The following SMYD1 variants were observed in gnomAD, a reference collection of about 807,000 sequenced individuals.
The protein encoded by SMYD1 is histone-lysine N-methyltransferase SMYD1.
A neutral mutation model predicts 54.0 loss-of-function variants in SMYD1; 49 were observed. The ratio of observed to expected loss-of-function variants is 0.91; its 90% confidence interval spans 0.72 to 1.15. The LOEUF is 1.15. Among genes scored for constraint, SMYD1 ranks in the 50% most tolerant of loss-of-function variants. The probability of loss-of-function intolerance (pLI) is 0.00; values close to 1 mark genes in which losing one functional copy is unlikely to be tolerated. For missense variants in SMYD1, 653 were observed against 639.6 expected (o/e 1.02, Z -0.23); for synonymous variants, 269 against 234.2 (o/e 1.15, Z -1.36).
rs780456754 is a variant in SMYD1, at chr2:88,110,385, G to A, written c.1346G>A (p.Arg449His). ...CGGGTGCAGACGGAGATGGAGCTAC[G>A]CATGTTCCGCCAGAACGAATTCATG... is the stretch of plus-strand genomic sequence containing the variant. ...AMRVQTEMEL[R>H]MFRQNEFMYY... The change falls in exon 10 of 10, where the codon CGC (arginine) becomes CAC (histidine). Residue 449 changes from arginine (R) to histidine (H), a missense_variant. Arg to His is a conservative substitution (Grantham distance 29). Transcript: ENST00000419482. The A allele has an allele frequency of 6.8e-6, 11 of 1,612,848 alleles. No individual in the cohort carries two copies. The highest frequency in any genetic ancestry group is 8.5e-6 in the Non-Finnish European group (10 of 1,179,506).
At position 88,095,362 on chromosome 2, in the gene SMYD1, G is replaced by GTGTATC. The variant is rs1173672837; in HGVS notation, c.699-1231_699-1226dup. 3.5e-4 allele frequency among the ~76,000 whole-genome samples: 54 copies of GTGTATC among 152,336 alleles called. 1 individual carries two copies. Among genetic ancestry groups the GTGTATC allele is most frequent in the African/African-American group, 1.3e-3 (53 of 41,578 alleles). On this transcript the variant is annotated intron_variant, in intron 5 of 9. Transcript: ENST00000419482. ...TATTATCACATTAATAGGCATGTCA[G>GTGTATC]TGTATCTCACTTTGGGAGAAGGATT...
At chr2:88,076,065 A>G (rs1674055202) in intron 1 of SMYD1, among the ~76,000 whole-genome samples, 1 of 151,966 alleles carries the variant, frequency 6.6e-6, no homozygotes, top group Non-Finnish European at 1.5e-5. Flanking sequence ...GCCTTTCTAG[A>G]TTGCCTCTCC....
intron 6 of SMYD1, among the ~76,000 whole-genome samples, chr2:88,102,717 A>G (rs1213760154): frequency 6.6e-6 from 1 of 152,228 alleles, no homozygotes; most frequent in Non-Finnish European, 1.5e-5. Flanking sequence ...GAGAGCAGCA[A>G]ATATTTTGGG....
chr2:88,104,187 C>G (rs1215480449), intron 7 of SMYD1, among the ~76,000 whole-genome samples: 1 of 152,094 alleles, frequency 6.6e-6, no homozygotes, highest in South Asian at 2.1e-4. Context: ...AGGATGGTCT[C>G]GATTTCCCAA....
chr2:88,070,143 T>C (rs1673914586), intron 1 of SMYD1, among the ~76,000 whole-genome samples: 2 of 152,206 alleles, frequency 1.3e-5, no homozygotes, highest in Admixed American at 1.3e-4. Context: ...AAAAATGCTT[T>C]ACCCAAACTT....
At chr2:88,089,184 C>A (rs1445100951) in intron 3 of SMYD1, among the ~76,000 whole-genome samples, 1 of 152,166 alleles carries the variant, frequency 6.6e-6, no homozygotes, top group East Asian at 1.9e-4. Flanking sequence ...ACTCCTTGCT[C>A]AGGGGAGATC....
chr2:88,077,191 C>G (rs1311414281), intron 1 of SMYD1, among the ~76,000 whole-genome samples: 3 of 152,160 alleles, frequency 2.0e-5, no homozygotes, highest in African/African-American at 7.2e-5. Flanking sequence ...TTTATCTGTC[C>G]GTGAGCAACT....
intron 1 of SMYD1, among the ~76,000 whole-genome samples, chr2:88,073,880 T>A (rs575666946): frequency 6.6e-6 from 1 of 152,364 alleles, no homozygotes; most frequent in Admixed American, 6.5e-5. Context: ...ATTGTTGTTT[T>A]CTTTTGATGC....
chr2:88,075,234 T>C lies in SMYD1; in HGVS notation c.137+7233T>C, dbSNP rs116810459. ...TGTTGTGAGCTGTATTGCTAAATAT[T>C]GCTCAATAATTCTTAAATCCAGAAG... On this transcript the variant is annotated intron_variant, in intron 1 of 9. Transcript: ENST00000419482. Among the ~76,000 whole-genome samples the C allele has an allele frequency of 6.0e-3, 912 of 152,352 alleles. 3 individuals carry two copies. The highest frequency in any genetic ancestry group is 9.8e-3 in the Non-Finnish European group (665 of 68,038).
At chr2:88,090,428 G>A (rs762904892) in intron 3 of SMYD1, among the ~76,000 whole-genome samples, 2 of 152,210 alleles carry the variant, frequency 1.3e-5, no homozygotes, top group Non-Finnish European at 2.9e-5. Flanking sequence ...TCACTTGGAT[G>A]CCACATCAGT....
chr2:88,068,012 T>C lies in SMYD1; in HGVS notation c.137+11T>C, dbSNP rs1553454125. On this transcript the variant is annotated intron_variant, in intron 1 of 9. Transcript: ENST00000419482. ...AGTGGTTTTTGACAGGTATGAAATGTGGGGAGTTGCCTTCTCTCCTGTTAG... is the reference window on the plus strand; with the variant it reads ...AGTGGTTTTTGACAGGTATGAAATGCGGGGAGTTGCCTTCTCTCCTGTTAG... 6.2e-7 allele frequency: 1 copy of C among 1,609,810 alleles called. No individual in the cohort carries two copies. Among genetic ancestry groups the C allele is most frequent in the South Asian group, 1.1e-5 (1 of 90,596 alleles).
intron 1 of SMYD1, among the ~76,000 whole-genome samples, chr2:88,076,183 G>A (rs1674057252): frequency 6.6e-6 from 1 of 152,130 alleles, no homozygotes; most frequent in Non-Finnish European, 1.5e-5. Context: ...ATCCCAGCCT[G>A]GGGACTGCTT....
At chr2:88,083,999 C>T (rs1674259455) in intron 1 of SMYD1, among the ~76,000 whole-genome samples, 1 of 152,108 alleles carries the variant, frequency 6.6e-6, no homozygotes, top group Non-Finnish European at 1.5e-5. Context: ...GAGGCTGAGG[C>T]AGAAGAATCG....
At chr2:88,109,670 A>G (rs1325561713) in intron 9 of SMYD1, among the ~76,000 whole-genome samples, 1 of 152,204 alleles carries the variant, frequency 6.6e-6, no homozygotes, top group Non-Finnish European at 1.5e-5. Flanking sequence ...GGTCTCAGAC[A>G]TGGATGTCCT....
At chr2:88,090,981 G>A (rs1410917587) in intron 3 of SMYD1, 31 bp from the exon 4 acceptor site, 8 of 1,601,428 alleles carry the variant, frequency 5.0e-6, no homozygotes, top group South Asian at 1.1e-5. Context: ...CATGTCTGTC[G>A]ACTGACTCTT....
intron 4 of SMYD1, among the ~76,000 whole-genome samples, chr2:88,092,405 G>T (rs1373508890): frequency 6.6e-6 from 1 of 152,182 alleles, no homozygotes. Flanking sequence ...AATATTAATT[G>T]CTTTTGCTCT....
At chr2:88,077,797 C>T (rs1435910802) in intron 1 of SMYD1, among the ~76,000 whole-genome samples, 1 of 150,196 alleles carries the variant, frequency 6.7e-6, no homozygotes, top group Non-Finnish European at 1.5e-5. Flanking sequence ...GATCTCGGCT[C>T]ACTGCAAGCT....
intron 3 of SMYD1, among the ~76,000 whole-genome samples, chr2:88,090,657 G>A (rs574957234): frequency 2.6e-5 from 4 of 152,136 alleles, no homozygotes; most frequent in Non-Finnish European, 4.4e-5. Context: ...ACGCCCACGC[G>A]CACACAAAGC....
chr2:88,078,640 A>T (rs997266850), intron 1 of SMYD1, among the ~76,000 whole-genome samples: 5 of 152,224 alleles, frequency 3.3e-5, no homozygotes, highest in Non-Finnish European at 7.3e-5. Context: ...AATTCTTGCT[A>T]CTCAAAGTTG....
Sources: allele counts gnomAD v4.1 joint callset (sites outside exome capture counted in the v4.1 genomes callset), GRCh38; gene constraint gnomAD v4.1.1; transcripts MANE v1.5; gene names NCBI Gene and HGNC (gene_info 2026-07-23, HGNC 2026-07-21).